Variants in HEATR5A observed in about 807,000 individuals in gnomAD.
The protein encoded by HEATR5A is HEAT repeat-containing protein 5A.
In HEATR5A, 178 loss-of-function variants were observed where a neutral mutation model predicts 218.8. That is an observed-to-expected ratio of 0.81 (90% CI 0.72 to 0.92). HEATR5A has a LOEUF of 0.92. Among genes scored for constraint, HEATR5A ranks in the 40% least tolerant of loss-of-function variants. HEATR5A has a pLI of 0.00. For missense variants in HEATR5A, 2,420 were observed against 2,418.9 expected (o/e 1.00, Z -0.01); for synonymous variants, 864 against 871.6 (o/e 0.99, Z 0.15).
At chr14:31,409,306 CCAAAGTG>C (rs2031194324) in intron 1 of HEATR5A, among the ~76,000 whole-genome samples, 1 of 150,974 alleles carries the variant, frequency 6.6e-6, no homozygotes, top group Non-Finnish European at 1.5e-5. Context: ...CCTCGGCATC[CCAAAGTG>C]CTGGGATTAC....
intron 25 of HEATR5A, chr14:31,320,363 C>A: frequency 1.1e-6 from 1 of 903,354 alleles, no homozygotes; most frequent in African/African-American, 1.6e-5. Context: ...AATCAAGCTG[C>A]CAAACACCGC....
intron 1 of HEATR5A, among the ~76,000 whole-genome samples, chr14:31,413,295 C>T (rs1208619329): frequency 1.3e-5 from 2 of 151,336 alleles, no homozygotes; most frequent in Non-Finnish European, 2.9e-5. Context: ...CAGGAGTTAC[C>T]AAGACAAAGA....
intron 21 of HEATR5A, among the ~76,000 whole-genome samples, chr14:31,341,596 A>G (rs886840867): frequency 6.6e-6 from 1 of 152,062 alleles, no homozygotes; most frequent in Non-Finnish European, 1.5e-5. Context: ...ACAAGGTCTC[A>G]GTATGTTCCC....
At chr14:31,393,515 A>C (rs186739430) in intron 6 of HEATR5A, among the ~76,000 whole-genome samples, 2 of 152,302 alleles carry the variant, frequency 1.3e-5, no homozygotes, top group East Asian at 3.9e-4. Flanking sequence ...CACACACACA[A>C]AAAAGCTGTA....
chr14:31,344,265 A>ATTATTTTTTT (rs1245011736), intron 20 of HEATR5A, among the ~76,000 whole-genome samples, 200 bp from the exon 21 acceptor site: 2 of 54,924 alleles, frequency 3.6e-5, no homozygotes, highest in Admixed American at 2.0e-4. Flanking sequence ...TAGATTAGTT[A>ATTATTTTTTT]TTCTTTTTTT....
chr14:31,383,593 G>A lies in HEATR5A; in HGVS notation c.1524C>T (p.Phe508=), dbSNP rs777173805. The A allele has an allele frequency of 1.9e-6, 3 of 1,613,964 alleles. No homozygotes were observed. Among genetic ancestry groups the A allele is most frequent in the South Asian group, 1.1e-5 (1 of 91,082 alleles). Residue 508 remains phenylalanine, a synonymous_variant, in exon 10 of 36, where the codon TTC becomes TTT. Transcript: ENST00000543095. ...HKSSPEAVTG[F]SFAVAALLGA... ...CCAACAAAGCTGCTACAGCAAAACT[G>A]AAGCCAGTCACTGCTTCAGGTGAAG...
chr14:31,336,209 C>CATATATATATATAT (rs1900649354), intron 22 of HEATR5A, among the ~76,000 whole-genome samples: 1 of 57,614 alleles, frequency 1.7e-5, no homozygotes, highest in African/African-American at 7.8e-5. Context: ...TTTATATATA[C>CATATATATATATAT]ATACATACAT....
chr14:31,387,117 T>C lies in HEATR5A; in HGVS notation c.1189+3A>G, dbSNP rs773157032. Reference sequence around the variant, plus strand: ...AACAAACTGTCTTAGTAGAGATCCATACCCATAACTTTCTTTAGCTTCCAG... The same window carrying C: ...AACAAACTGTCTTAGTAGAGATCCACACCCATAACTTTCTTTAGCTTCCAG... On this transcript the variant is annotated splice_donor_region_variant and intron_variant, in intron 8 of 35. Coordinates refer to ENST00000543095, the MANE Select transcript of HEATR5A (RefSeq NM_015473.4). 19 of 1,613,822 alleles carry C rather than the reference T, an allele frequency of 1.2e-5. No homozygotes were observed. The highest frequency in any genetic ancestry group is 2.7e-5 in the African/African-American group (2 of 74,916).
rs755866065 is a variant in HEATR5A, at chr14:31,358,785, C to T, written c.2263G>A (p.Gly755Arg). The part of the protein sequence containing the change: ...QLLLGNGVAC[G>R]SLEYDPYSIY... ...GAATAAGGGTCATATTCAAGACTTC[C>T]GCAAGCAACACCATTACCAAGCAGG... The change falls in exon 16 of 36, where the codon GGA becomes AGA. Residue 755 changes from glycine to arginine, a missense_variant. Coordinates refer to ENST00000543095, the MANE Select transcript of HEATR5A (RefSeq NM_015473.4). The T allele has an allele frequency of 1.6e-5, 26 of 1,613,710 alleles. No individual in the cohort carries two copies. Among genetic ancestry groups the T allele is most frequent in the East Asian group, 6.7e-5 (3 of 44,864 alleles).
chr14:31,340,673 GTCAAC>G (rs1900812291), intron 21 of HEATR5A, among the ~76,000 whole-genome samples: 1 of 152,208 alleles, frequency 6.6e-6, no homozygotes, highest in Non-Finnish European at 1.5e-5. Context: ...TTTGAAAATA[GTCAAC>G]TCAAGAACTC....
chr14:31,307,012 A>C, intron 30 of HEATR5A, 133 bp from the exon 31 acceptor site: 1 of 701,120 alleles, frequency 1.4e-6, no homozygotes, highest in East Asian at 2.8e-5. Flanking sequence ...CAATAAAGTT[A>C]AGTAACGCTC....
rs542516207 is a variant in HEATR5A, at chr14:31,403,817, C to T, written c.-74-768G>A. 2.0e-5 allele frequency among the ~76,000 whole-genome samples: 3 copies of T among 152,266 alleles called. No individual in the cohort carries two copies. In the South Asian group the frequency reaches 6.2e-4, roughly 32 times the overall value. ...AGCATCTCCTGGGTACACCTTAGTGCTGTTACAGAGCACACGCAGCATATA... is the reference window on the plus strand; with the variant it reads ...AGCATCTCCTGGGTACACCTTAGTGTTGTTACAGAGCACACGCAGCATATA... On this transcript the variant is annotated intron_variant, in intron 1 of 35. Coordinates refer to ENST00000543095, the MANE Select transcript of HEATR5A (RefSeq NM_015473.4).
At chr14:31,386,868 T>C (rs1045259033) in intron 8 of HEATR5A, among the ~76,000 whole-genome samples, 3 of 152,212 alleles carry the variant, frequency 2.0e-5, no homozygotes, top group East Asian at 1.9e-4. Flanking sequence ...TTCAACATTA[T>C]TGATATTTAA....
In HEATR5A at chr14:31,394,146, G is replaced by T. The variant is rs1233437054; in HGVS notation, c.678C>A (p.Ser226=). ...GCACATCATAATTGGAACCTTCAAA[G>T]GACTTAAAACACAGTGTGGCCACAC... is the stretch of plus-strand genomic sequence containing the variant. ...LDSVATLCFK[S]FEGSNYDVRI... Residue 226 remains serine, a synonymous_variant, in exon 6 of 36, where the codon TCC becomes TCA. Coordinates refer to ENST00000543095, the MANE Select transcript of HEATR5A (RefSeq NM_015473.4). 1.3e-6 allele frequency: 2 copies of T among 1,534,628 alleles called. No homozygotes were observed. The highest frequency in any genetic ancestry group is 2.0e-5 in the Admixed American group (1 of 50,908).
At chr14:31,361,810 A>G (rs1901624924) in intron 14 of HEATR5A, among the ~76,000 whole-genome samples, 1 of 152,180 alleles carries the variant, frequency 6.6e-6, no homozygotes, top group Non-Finnish European at 1.5e-5. Flanking sequence ...CTCTAAATCT[A>G]CATCTGCTGG....
At chr14:31,365,175 G>T (rs1237230970) in intron 13 of HEATR5A, among the ~76,000 whole-genome samples, 1 of 151,628 alleles carries the variant, frequency 6.6e-6, no homozygotes, top group Non-Finnish European at 1.5e-5. Context: ...ACCCGGCCAG[G>T]ACTACTACTT....
chr14:31,413,989 T>C (rs1042275981), intron 1 of HEATR5A, among the ~76,000 whole-genome samples: 8 of 152,262 alleles, frequency 5.3e-5, no homozygotes, highest in African/African-American at 1.7e-4. Context: ...GTTAGTGTTA[T>C]GTCTTCCAGA....
At chr14:31,382,307 T>C (rs1420954731) in intron 10 of HEATR5A, among the ~76,000 whole-genome samples, 2 of 152,232 alleles carry the variant, frequency 1.3e-5, no homozygotes, top group African/African-American at 4.8e-5. Flanking sequence ...TCAGTGGCAT[T>C]GGCAATACTC....
intron 22 of HEATR5A, among the ~76,000 whole-genome samples, chr14:31,330,021 T>C (rs949150923): frequency 6.6e-6 from 1 of 152,220 alleles, no homozygotes; most frequent in African/African-American, 2.4e-5. Context: ...TTGACAGTGG[T>C]CCTCTTCTTA....
Sources: gnomAD v4.1 joint callset for allele counts (sites outside exome capture counted in the v4.1 genomes callset) on GRCh38, gnomAD v4.1.1 for gene constraint, MANE v1.5 for transcripts, NCBI Gene and HGNC (gene_info 2026-07-23, HGNC 2026-07-21) for gene names.